The following MORC2 variants were observed in gnomAD, a reference collection of about 807,000 sequenced individuals.
MORC2 encodes ATPase MORC2.
A neutral mutation model predicts 136.0 loss-of-function variants in MORC2; 30 were observed. The observed-to-expected ratio is 0.22, with a 90% confidence interval of 0.17 to 0.30. The LOEUF (loss-of-function observed/expected upper bound fraction) is 0.30. Ranked by LOEUF, MORC2 falls within the 10% of genes least tolerant of loss-of-function variation. The pLI is 1.00. For missense variants in MORC2, 922 were observed against 1,333.1 expected, an observed-to-expected ratio of 0.69 and a Z score of 4.80; for synonymous variants, 439 against 487.0, an observed-to-expected ratio of 0.90 and a Z score of 1.30.
chr22:30,934,172 C>T lies in MORC2; in HGVS notation c.2213G>A (p.Arg738Gln), dbSNP rs761740534. ...KLSPATPSRK[R>Q]SVAVSDEEEV... is the part of the protein sequence containing the mutation. ...TTCCTCATCAGAAACTGCGACACTC[C>T]GCTTCCGACTAGGGGTAGCCTAGAG... is the stretch of plus-strand genomic sequence containing the variant. Residue 738 changes from arginine (R) to glutamine (Q), a missense_variant, in exon 20 of 26, where the codon CGG (arginine) becomes CAG (glutamine). By Grantham distance (43) the Arg-to-Gln change is conservative (BLOSUM62 1). This residue lies in a region of MORC2 where 263 missense variants were observed against 388.3 expected (regional missense o/e 0.68). Transcript: ENST00000397641. This position sits in a 1 kb window ranked among gnomAD's most constrained non-coding sequence, Gnocchi z 4.4. 1.9e-6 allele frequency: 3 copies of T among 1,614,130 alleles called. No individual in the cohort carries two copies. Among genetic ancestry groups the T allele is most frequent in the Non-Finnish European group, 2.5e-6 (3 of 1,180,018 alleles).
At chr22:30,944,526 C>T (rs2040788249) in intron 6 of MORC2, among the ~76,000 whole-genome samples, 1 of 152,150 alleles carries the variant, frequency 6.6e-6, no homozygotes, top group Non-Finnish European at 1.5e-5. Context: ...TCTTCTCACT[C>T]TATTCTCTCC....
intron 25 of MORC2, 25 bp downstream of exon 25, chr22:30,927,994 G>A (rs745429789): frequency 1.9e-6 from 3 of 1,611,822 alleles, no homozygotes; most frequent in South Asian, 1.1e-5. Context: ...TGGTCCAGCT[G>A]CAACAGGAAG....
At chr22:30,944,770 C>G (rs2040792565) in intron 6 of MORC2, among the ~76,000 whole-genome samples, 1 of 152,188 alleles carries the variant, frequency 6.6e-6, no homozygotes, top group Admixed American at 6.5e-5. Flanking sequence ...AATCAATCAC[C>G]AAATCTGTGG....
intron 1 of MORC2, among the ~76,000 whole-genome samples, chr22:30,965,636 G>T (rs2041116920): frequency 6.6e-6 from 1 of 152,178 alleles, no homozygotes; most frequent in Admixed American, 6.5e-5. Flanking sequence ...CAAGCAGGTG[G>T]TTCCAGTTCA....
rs201087014 is a variant in MORC2, at chr22:30,932,338, C to T, written c.2841+21G>A. 1.8e-5 allele frequency: 28 copies of T among 1,577,698 alleles called. No individual in the cohort carries two copies. The highest frequency in any genetic ancestry group is 1.7e-4 in the Middle Eastern group (1 of 5,956). ...GGTGGGGGAATGAAGAGTGTGGAAT[C>T]GAAGGTCAGGCCAGACTCACCAGAG... is the stretch of plus-strand genomic sequence containing the variant. On this transcript the variant is annotated intron_variant, in intron 24 of 25. Transcript: ENST00000397641. This position sits in a 1 kb window ranked among gnomAD's most constrained non-coding sequence, Gnocchi z 4.4.
chr22:30,941,392 G>A lies in MORC2; in HGVS notation c.824+41C>T, dbSNP rs776289981. 21 of 1,605,370 alleles carry A rather than the reference G, an allele frequency of 1.3e-5. No individual in the cohort carries two copies. Among genetic ancestry groups the A allele is most frequent in the Admixed American group, 3.4e-5 (2 of 59,492 alleles). On this transcript the variant is annotated intron_variant, in intron 9 of 25. Transcript: ENST00000397641. The surrounding 1 kb of genome is among the most constrained non-coding windows in gnomAD (Gnocchi z 4.6). Reference sequence around the variant, plus strand: ...CCCAGAGAAACGCGGCCACATCCTCGACCCATGGGAGACAGCAGGCCAAGG... The same window carrying A: ...CCCAGAGAAACGCGGCCACATCCTCAACCCATGGGAGACAGCAGGCCAAGG...
At chr22:30,939,838 A>G (rs1437512246) in intron 11 of MORC2, 121 bp downstream of exon 11, 2 of 1,338,056 alleles carry the variant, frequency 1.5e-6, no homozygotes, top group East Asian at 4.9e-5. Flanking sequence ...ACTTCTTTCT[A>G]CAGAAAACAG....
At chr22:30,958,979 T>G in intron 1 of MORC2, 2 of 273,446 alleles carry the variant, frequency 7.3e-6, no homozygotes, top group South Asian at 1.3e-4. Context: ...CTGCTAAAAG[T>G]GTTTTTCACT....
rs781327828 is a variant in MORC2 at position 30,928,079 on chromosome 22, C to T, written c.2970G>A (p.Thr990=). ...TCCTCAGCTTCTGCAGCTTCTCCTC[C>T]GTCTCGCGGAGCTTCCTCTCGGAGG... is the stretch of plus-strand genomic sequence containing the variant. ...LRTSERKLRE[T]EEKLQKLRTN... The change falls in exon 25 of 26, where the codon ACG becomes ACA. Residue 990 remains threonine (T), a synonymous_variant. Coordinates refer to ENST00000397641, the MANE Select transcript of MORC2 (RefSeq NM_001303256.3). The T allele has an allele frequency of 9.9e-6, 16 of 1,613,932 alleles. No individual in the cohort carries two copies. In the African/African-American group the frequency reaches 1.1e-4, roughly 11 times the overall value.
In MORC2 at chr22:30,932,114, G is replaced by C. The variant is rs531490167; in HGVS notation, c.2841+245C>G. ...TCCCTAAGGGATGACTCAACTCCTAGCACCTGTGGTGGGAAGGGGTTGGCT... is the reference window on the plus strand; with the variant it reads ...TCCCTAAGGGATGACTCAACTCCTACCACCTGTGGTGGGAAGGGGTTGGCT... On this transcript the variant is annotated intron_variant, in intron 24 of 25. Coordinates refer to ENST00000397641, the MANE Select transcript of MORC2 (RefSeq NM_001303256.3). This position sits in a 1 kb window ranked among gnomAD's most constrained non-coding sequence, Gnocchi z 4.4. 24 of 458,882 alleles carry C rather than the reference G, an allele frequency of 5.2e-5. No homozygotes were observed. Among genetic ancestry groups the C allele is most frequent in the Non-Finnish European group, 9.4e-5 (24 of 254,508 alleles). 28.4% of individuals were successfully genotyped at this position (458,882 alleles called of 1,614,324 possible).
At chr22:30,940,877 G>A in intron 9 of MORC2, 40 bp from the exon 10 acceptor site, 6 of 1,550,832 alleles carry the variant, frequency 3.9e-6, no homozygotes, top group Non-Finnish European at 5.3e-6. Flanking sequence ...CCACGCAGCA[G>A]TGGGGCAGGT....
rs760522350 is a variant in MORC2 at position 30,934,782 on chromosome 22, G to A, written c.2192C>T (p.Pro731Leu). Residue 731 changes from proline to leucine, a missense_variant and splice_region_variant, in exon 19 of 26, where the codon CCG becomes CTG. Physicochemically the swap from Pro to Leu is moderately conservative, Grantham distance 98 (BLOSUM62 -3). This residue lies in a region of MORC2 where 184 missense variants were observed against 180.3 expected (regional missense o/e 1.02). Coordinates refer to ENST00000397641, the MANE Select transcript of MORC2 (RefSeq NM_001303256.3). The surrounding 1 kb of genome is among the most constrained non-coding windows in gnomAD (Gnocchi z 4.4). ...TATTAAAGAGGACAAGCGTCTCACCGGGGAGAGTTTGATGGGTGACTCTGT... is the reference window on the plus strand; with the variant it reads ...TATTAAAGAGGACAAGCGTCTCACCAGGGAGAGTTTGATGGGTGACTCTGT... ...KKTESPIKLS[P>L]ATPSRKRSVA... The A allele has an allele frequency of 1.9e-5, 30 of 1,613,816 alleles. No homozygotes were observed. The highest frequency in any genetic ancestry group is 7.7e-5 in the South Asian group (7 of 91,056).
chr22:30,945,106 G>C (rs973403287), intron 6 of MORC2, among the ~76,000 whole-genome samples: 1 of 152,188 alleles, frequency 6.6e-6, no homozygotes, highest in African/African-American at 2.4e-5. Flanking sequence ...GCCTTAAGCA[G>C]GCTGCTTCTA....
intron 1 of MORC2, chr22:30,967,036 C>T (rs2147334068): frequency 1.1e-6 from 1 of 943,136 alleles, no homozygotes; most frequent in Non-Finnish European, 1.3e-6. Flanking sequence ...CTCATCTCCT[C>T]TCCAGGTACT....
intron 24 of MORC2, among the ~76,000 whole-genome samples, chr22:30,930,828 C>T (rs972065665): frequency 5.3e-5 from 8 of 152,158 alleles, no homozygotes; most frequent in African/African-American, 1.9e-4. Context: ...GCCCTGGCCT[C>T]CCCCTCCCTC....
chr22:30,957,902 T>C (rs901265091), intron 2 of MORC2, among the ~76,000 whole-genome samples: 1 of 152,246 alleles, frequency 6.6e-6, no homozygotes, highest in Non-Finnish European at 1.5e-5. Flanking sequence ...TGTTTGAAAG[T>C]ACTTCCGCTG....
intron 4 of MORC2, 40 bp downstream of exon 4, chr22:30,950,337 G>GCGGCCCCCC: frequency 1.3e-6 from 1 of 761,762 alleles, no homozygotes; most frequent in Non-Finnish European, 2.3e-6. Flanking sequence ...TGGTTACATC[G>GCGGCCCCCC]CACCCCCCCA....
At chr22:30,964,755 A>G (rs1369544617) in intron 1 of MORC2, among the ~76,000 whole-genome samples, 1 of 152,216 alleles carries the variant, frequency 6.6e-6, no homozygotes, top group African/African-American at 2.4e-5. Context: ...CAACAGAATA[A>G]CCATCAAAAG....
intron 1 of MORC2, among the ~76,000 whole-genome samples, chr22:30,963,507 C>G (rs545307429): frequency 1.3e-5 from 2 of 151,788 alleles, no homozygotes; most frequent in Non-Finnish European, 2.9e-5. Context: ...GCCTCAGACT[C>G]CCGAGTAGCT....
Sources: gnomAD v4.1 joint callset for allele counts (sites outside exome capture counted in the v4.1 genomes callset) on GRCh38, gnomAD v4.1.1 for gene constraint, gnomAD v4.1.1 regional missense constraint, Gnocchi (gnomAD v3.1) non-coding constraint, MANE v1.5 for transcripts, NCBI Gene and HGNC (gene_info 2026-07-23, HGNC 2026-07-21) for gene names.